Variants in SPAST observed in about 807,000 individuals in gnomAD.
SPAST encodes the protein spastic paraplegia 4 (autosomal dominant; spastin).
In SPAST, 30 loss-of-function variants were observed where a neutral mutation model predicts 76.6. That is an observed-to-expected ratio of 0.39 (90% confidence interval 0.29 to 0.53). The LOEUF is 0.53. Among genes scored for constraint, SPAST ranks in the 20% least tolerant of loss-of-function variants. SPAST has a pLI of 0.68. For synonymous variants in SPAST, 305 were observed against 281.0 expected (o/e 1.09, Z -0.86); for missense variants, 717 against 770.5 (o/e 0.93, Z 0.82).
At position 32,087,558 on chromosome 2, in the gene SPAST, C is replaced by T; in HGVS notation, c.482C>T (p.Ala161Val). Residue 161 changes from alanine to valine, a missense_variant, in exon 2 of 17, where the codon GCT (alanine) becomes GTT (valine). Ala to Val is a moderately conservative substitution (Grantham distance 64). Around this residue, in one of 3 missense-constraint regions of SPAST, gnomAD observed 543 missense variants for 445.2 expected, o/e 1.22. Coordinates refer to ENST00000315285, the MANE Select transcript of SPAST (RefSeq NM_014946.4). ...KGIEELEKGI[A>V]VIVTGQGEQC... Reference sequence around the variant, plus strand: ...ATTGAAGAACTGGAAAAAGGAATAGCTGTTATAGTTACAGGACAAGGTAAG... The same window carrying T: ...ATTGAAGAACTGGAAAAAGGAATAGTTGTTATAGTTACAGGACAAGGTAAG... 6.3e-7 allele frequency: 1 copy of T among 1,598,436 alleles called. No homozygotes were observed. Among genetic ancestry groups the T allele is most frequent in the South Asian group, 1.1e-5 (1 of 90,570 alleles).
At chr2:32,091,751 A>G (rs1007004717) in intron 3 of SPAST, among the ~76,000 whole-genome samples, 2 of 151,688 alleles carry the variant, frequency 1.3e-5, no homozygotes, top group Admixed American at 6.6e-5. Flanking sequence ...GGAGAATGGC[A>G]TGAACCCAGG....
rs869090344 is a variant in SPAST at position 32,083,750 on chromosome 2, CTATA to C, written c.416-3718_416-3715del. Among the ~76,000 whole-genome samples, 49 of 62,838 alleles carry C rather than the reference CTATA, an allele frequency of 7.8e-4. 2 individuals carry two copies. Among genetic ancestry groups the C allele is most frequent in the East Asian group, 3.3e-3 (4 of 1,206 alleles). 41.2% of individuals were successfully genotyped at this position (62,838 alleles called of 152,430 possible). ...TATATACTATATATATTTATATATACTATATATATATATATATATATATATATTT... is the reference window on the plus strand; with the variant it reads ...TATATACTATATATATTTATATATACTATATATATATATATATATATATTT... On this transcript the variant is annotated intron_variant, in intron 1 of 16. Transcript: ENST00000315285.
At chr2:32,099,073 A>G (rs940664008) in intron 4 of SPAST, among the ~76,000 whole-genome samples, 182 bp downstream of exon 4, 2 of 152,244 alleles carry the variant, frequency 1.3e-5, no homozygotes, top group African/African-American at 2.4e-5. Context: ...CAAGTCAGGT[A>G]TAGTCATTCT....
At chr2:32,095,705 C>T (rs897283304) in intron 3 of SPAST, among the ~76,000 whole-genome samples, 1 of 151,996 alleles carries the variant, frequency 6.6e-6, no homozygotes. Context: ...CACCACTGCA[C>T]TCTAGTCTGG....
intron 9 of SPAST, among the ~76,000 whole-genome samples, chr2:32,132,217 C>G (rs1471818400): frequency 6.6e-6 from 1 of 152,006 alleles, no homozygotes; most frequent in East Asian, 1.9e-4. Context: ...TGGCGAAACC[C>G]TGTCTCTACC....
chr2:32,147,636 T>C (rs1573175290), intron 16 of SPAST, among the ~76,000 whole-genome samples: 1 of 141,890 alleles, frequency 7.0e-6, no homozygotes, highest in East Asian at 2.2e-4. Flanking sequence ...GTTTGTTTGT[T>C]TGTTTGTTTG....
chr2:32,087,916 C>T (rs1179934684), intron 2 of SPAST, among the ~76,000 whole-genome samples: 7 of 150,670 alleles, frequency 4.6e-5, no homozygotes, highest in Non-Finnish European at 1.0e-4. Context: ...CAGAGTCTCG[C>T]TCTTTTGCCC....
chr2:32,080,941 C>T (rs1254482037), intron 1 of SPAST, among the ~76,000 whole-genome samples: 1 of 149,690 alleles, frequency 6.7e-6, no homozygotes, highest in Non-Finnish European at 1.5e-5. Flanking sequence ...ACTACAGGCA[C>T]GTGCCACCAC....
intron 15 of SPAST, 120 bp from the exon 16 acceptor site, chr2:32,147,098 T>C (rs1679911187): frequency 1.5e-6 from 1 of 681,932 alleles, no homozygotes; most frequent in Non-Finnish European, 2.7e-6. Flanking sequence ...GTCTCTTTTT[T>C]TTAATATAAT....
chr2:32,103,493 T>C (rs893563963), intron 4 of SPAST, among the ~76,000 whole-genome samples: 18 of 152,196 alleles, frequency 1.2e-4, no homozygotes, highest in African/African-American at 4.3e-4. Flanking sequence ...CTTAGTTATT[T>C]CTTGCCTTCT....
intron 1 of SPAST, among the ~76,000 whole-genome samples, chr2:32,083,648 C>G (rs1008187054): frequency 1.7e-4 from 12 of 68,948 alleles, no homozygotes; most frequent in Non-Finnish European, 3.0e-4. Context: ...ATATTTGACT[C>G]TGCCTACTAT....
intron 4 of SPAST, among the ~76,000 whole-genome samples, chr2:32,109,080 G>T (rs544341246): frequency 6.7e-6 from 1 of 150,140 alleles, no homozygotes; most frequent in Non-Finnish European, 1.5e-5. Context: ...ACTTTAAATG[G>T]ATGTAATTCA....
At chr2:32,066,274 A>C (rs1676507188) in intron 1 of SPAST, among the ~76,000 whole-genome samples, 1 of 152,074 alleles carries the variant, frequency 6.6e-6, no homozygotes, top group African/African-American at 2.4e-5. Flanking sequence ...GTGCCCACCC[A>C]GCAAGCTCCA....
chr2:32,071,771 A>G (rs1475853914), intron 1 of SPAST, among the ~76,000 whole-genome samples: 4 of 152,200 alleles, frequency 2.6e-5, no homozygotes, highest in Admixed American at 2.6e-4. Context: ...GTCTGGTTTA[A>G]AATAATAGGT....
rs771388402 is a variant in SPAST at position 32,114,762 on chromosome 2, C to T, written c.807C>T (p.Tyr269=). 3 of 1,613,938 alleles carry T rather than the reference C, an allele frequency of 1.9e-6. No individual in the cohort carries two copies. Among genetic ancestry groups the T allele is most frequent in the Admixed American group, 1.7e-5 (1 of 60,000 alleles). ...GLSGHHRAPS[Y]SGLSMVSGVK... is the part of the protein sequence containing the mutation. The stretch of plus-strand genomic sequence containing the variant: ...CAGGCCACCATAGAGCACCTAGTTA[C>T]AGTGGTTTATCCATGGTTTCTGGAG... Residue 269 remains tyrosine, a synonymous_variant, in exon 5 of 17, where the codon TAC becomes TAT. Coordinates refer to ENST00000315285, the MANE Select transcript of SPAST (RefSeq NM_014946.4).
rs1205864539 is a variant in SPAST, at chr2:32,132,995, G to A, written c.1246-3568G>A. On this transcript the variant is annotated intron_variant, in intron 9 of 16. Coordinates refer to ENST00000315285, the MANE Select transcript of SPAST (RefSeq NM_014946.4). ...CAGGAGGCGGAGGTTGCGGTGAGCC[G>A]AGATTGCGCCATTCCACTCCAGCCT... is the stretch of plus-strand genomic sequence containing the variant. Among the ~76,000 whole-genome samples the A allele has an allele frequency of 5.3e-5, 8 of 151,802 alleles. No individual in the cohort carries two copies. The East Asian group carries it at 7.7e-4, about 15-fold the overall frequency.
chr2:32,114,905 TC>T, intron 5 of SPAST, 80 bp downstream of exon 5: 1 of 991,016 alleles, frequency 1.0e-6, no homozygotes, highest in Non-Finnish European at 1.6e-6. Context: ...CTTAAGTTGA[TC>T]ATAAGTACTT....
chr2:32,112,160 C>T (rs1414692472), intron 4 of SPAST, among the ~76,000 whole-genome samples: 7 of 150,188 alleles, frequency 4.7e-5, no homozygotes, highest in Non-Finnish European at 5.9e-5. Flanking sequence ...ACCATGTTGG[C>T]CAGGCTGATC....
intron 4 of SPAST, among the ~76,000 whole-genome samples, chr2:32,103,910 G>A (rs1325232743): frequency 6.6e-6 from 1 of 152,154 alleles, no homozygotes; most frequent in Non-Finnish European, 1.5e-5. Context: ...TTTGGAATAG[G>A]TGTGGTGTGG....
Sources: allele counts gnomAD v4.1 joint callset (sites outside exome capture counted in the v4.1 genomes callset), GRCh38; gene constraint gnomAD v4.1.1; regional missense constraint gnomAD v4.1.1; transcripts MANE v1.5; gene names NCBI Gene and HGNC (gene_info 2026-07-23, HGNC 2026-07-21).